The following PDE4D variants were observed in gnomAD, a reference collection of about 807,000 sequenced individuals.
The protein encoded by PDE4D is 3',5'-cyclic-AMP phosphodiesterase 4D.
PDE4D carries 24 observed loss-of-function variants against 87.4 expected under a neutral mutation model. The observed-to-expected ratio is 0.27, with a 90% CI of 0.20 to 0.39. The LOEUF is 0.39. PDE4D is among the 10% of genes least tolerant of loss of function. PDE4D has a pLI of 1.00. For synonymous variants in PDE4D, 384 were observed against 383.2 expected (o/e 1.00, Z -0.02); for missense variants, 714 against 1,041.0 (o/e 0.69, Z 4.32).
intron 2 of PDE4D, among the ~76,000 whole-genome samples, chr5:59,200,114 C>CATGCATGTAGACATACATGTATGCACACA (rs1746671463): frequency 2.1e-5 from 3 of 143,656 alleles, no homozygotes; most frequent in Non-Finnish European, 4.5e-5. Flanking sequence ...TATGCACACA[C>CATGCATGTAGACATACATGTATGCACACA]ATACATGCAT....
intron 1 of PDE4D, among the ~76,000 whole-genome samples, chr5:59,323,198 C>T (rs1561955733): frequency 6.6e-6 from 1 of 152,072 alleles, no homozygotes; most frequent in East Asian, 1.9e-4. Flanking sequence ...TCTTTTTATG[C>T]AAGATTCAAC....
At chr5:59,368,948 G>T (rs1345397764) in intron 1 of PDE4D, among the ~76,000 whole-genome samples, 9 of 152,168 alleles carry the variant, frequency 5.9e-5, no homozygotes, top group Non-Finnish European at 1.3e-4. Context: ...AACACCAAAG[G>T]ATGGGTTGGG....
intron 1 of PDE4D, among the ~76,000 whole-genome samples, chr5:59,554,313 C>T (rs987245740): frequency 6.6e-5 from 10 of 152,126 alleles, no homozygotes; most frequent in Non-Finnish European, 1.5e-4. Flanking sequence ...TGAATCTTCA[C>T]AACCACTTTA....
intron 6 of PDE4D, among the ~76,000 whole-genome samples, chr5:59,002,934 A>T (rs10053177): frequency 5.9e-5 from 9 of 152,156 alleles, no homozygotes; most frequent in African/African-American, 2.2e-4. Context: ...GTTGAAGATA[A>T]GTAGGTATCA....
At chr5:60,048,557 C>T (rs1299820876) in intron 2 of PDE4D, among the ~76,000 whole-genome samples, 1 of 151,960 alleles carries the variant, frequency 6.6e-6, no homozygotes, top group Admixed American at 6.6e-5. Flanking sequence ...TTAGGGCATG[C>T]CTGGTGGTGA....
intron 1 of PDE4D, among the ~76,000 whole-genome samples, chr5:60,410,004 A>T (rs1318331011): frequency 6.6e-6 from 1 of 152,170 alleles, no homozygotes; most frequent in Non-Finnish European, 1.5e-5. Context: ...CTAGAAAGAT[A>T]TGCCCTCTCA....
intron 1 of PDE4D, among the ~76,000 whole-genome samples, chr5:59,629,799 G>T (rs1002356376): frequency 1.3e-5 from 2 of 152,124 alleles, no homozygotes; most frequent in African/African-American, 4.8e-5. Context: ...TATCAGATGA[G>T]AATTTCAAGT....
chr5:59,333,064 G>T (rs1438150415), intron 1 of PDE4D, among the ~76,000 whole-genome samples: 3 of 152,154 alleles, frequency 2.0e-5, no homozygotes, highest in African/African-American at 7.2e-5. Flanking sequence ...TGAAAGCATT[G>T]AAAACTGATA....
intron 1 of PDE4D, among the ~76,000 whole-genome samples, chr5:59,533,339 T>C (rs1201424393): frequency 2.0e-5 from 3 of 152,258 alleles, no homozygotes; most frequent in African/African-American, 2.4e-5. Context: ...TTATATTTAC[T>C]AGAAGACTAA....
chr5:59,991,668 C>T lies in PDE4D; in HGVS notation c.43-2951G>A, dbSNP rs997663794. 3.9e-5 allele frequency among the ~76,000 whole-genome samples: 6 copies of T among 152,184 alleles called. No individual in the cohort carries two copies. In the South Asian group the frequency reaches 1.2e-3, roughly 32 times the overall value. Reference sequence around the variant, plus strand: ...AAGAACCAATGGCAAATCAATGTTTCTGTGAGATAACAAATATAGAAAAAA... The same window carrying T: ...AAGAACCAATGGCAAATCAATGTTTTTGTGAGATAACAAATATAGAAAAAA... On this transcript the variant is annotated intron_variant, in intron 2 of 16. Transcript: ENST00000502484.
intron 3 of PDE4D, chr5:59,988,240 T>A (rs907620384): frequency 2.6e-6 from 1 of 383,910 alleles, no homozygotes. Context: ...ACAACTGCCC[T>A]TTGGCAAATG....
chr5:60,415,294 A>G (rs1742396589), intron 1 of PDE4D, among the ~76,000 whole-genome samples: 1 of 152,258 alleles, frequency 6.6e-6, no homozygotes, highest in African/African-American at 2.4e-5. Flanking sequence ...CAGCATGCTG[A>G]CAGCCCTCAC....
intron 3 of PDE4D, among the ~76,000 whole-genome samples, chr5:59,952,852 G>C (rs752034195): frequency 2.0e-5 from 3 of 152,260 alleles, no homozygotes; most frequent in Non-Finnish European, 2.9e-5. Context: ...TCAACCTTTA[G>C]AGTCTTCCAG....
intron 1 of PDE4D, among the ~76,000 whole-genome samples, chr5:59,400,566 C>T (rs1301502872): frequency 1.6e-5 from 2 of 126,184 alleles, no homozygotes; most frequent in Non-Finnish European, 3.2e-5. Flanking sequence ...GGGAACATCA[C>T]ACTCTGGGGA....
intron 5 of PDE4D, among the ~76,000 whole-genome samples, chr5:59,140,331 A>C (rs1380939708): frequency 6.6e-6 from 1 of 152,228 alleles, no homozygotes; most frequent in African/African-American, 2.4e-5. Flanking sequence ...CTTTAGCTGC[A>C]TGTCTCAATG....
At chr5:59,882,720 A>G (rs1581579248) in intron 1 of PDE4D, among the ~76,000 whole-genome samples, 2 of 151,592 alleles carry the variant, frequency 1.3e-5, no homozygotes, top group African/African-American at 4.8e-5. Context: ...TGGGGTGTTC[A>G]TGTCAGAAAA....
chr5:59,039,929 G>T (rs757897055), intron 5 of PDE4D: 2 of 152,322 alleles, frequency 1.3e-5, no homozygotes, highest in Non-Finnish European at 2.9e-5. Context: ...AGGAGGGACC[G>T]GCACGCAGGC....
chr5:60,482,596 C>A (rs893703357), intron 1 of PDE4D, among the ~76,000 whole-genome samples: 11 of 152,172 alleles, frequency 7.2e-5, no homozygotes, highest in Non-Finnish European at 1.5e-4. Flanking sequence ...AAGAACACTG[C>A]TTGAATGAAT....
chr5:59,431,108 T>C (rs1276392836), intron 1 of PDE4D, among the ~76,000 whole-genome samples: 4 of 152,166 alleles, frequency 2.6e-5, no homozygotes, highest in African/African-American at 4.8e-5. Context: ...ACATTTTTTT[T>C]CCTCGTTTAA....
Sources: allele counts gnomAD v4.1 joint callset (sites outside exome capture counted in the v4.1 genomes callset), GRCh38; gene constraint gnomAD v4.1.1; transcripts MANE v1.5; gene names NCBI Gene and HGNC (gene_info 2026-07-23, HGNC 2026-07-21).